Variants in BRAP observed in about 807,000 individuals in gnomAD.
The protein encoded by BRAP is BRCA1 associated protein.
In BRAP, 42 loss-of-function variants were observed where a neutral mutation model predicts 73.4. That is an observed-to-expected ratio of 0.57 (90% CI 0.45 to 0.74). The LOEUF is 0.74. BRAP is among the 30% of genes least tolerant of loss of function. The pLI is 0.00. For synonymous variants in BRAP, 255 were observed against 267.4 expected (o/e 0.95, Z 0.45); for missense variants, 593 against 751.4 (o/e 0.79, Z 2.46).
chr12:111,679,436 T>C, intron 3 of BRAP, 96 bp from the exon 4 acceptor site: 1 of 868,638 alleles, frequency 1.2e-6, no homozygotes, highest in Non-Finnish European at 1.6e-6. Context: ...CAGGAAAAAA[T>C]AAAAATTGTA....
At chr12:111,683,062 T>C in intron 2 of BRAP, 84 bp downstream of exon 2, 1 of 1,444,086 alleles carries the variant, frequency 6.9e-7, no homozygotes, top group Non-Finnish European at 9.4e-7. Context: ...GATGTTGAAA[T>C]TGTAGGCTCA....
chr12:111,670,277 G>C, intron 5 of BRAP: 1 of 584,024 alleles, frequency 1.7e-6, no homozygotes, highest in Non-Finnish European at 3.4e-6. Context: ...GGAAGAAACA[G>C]TTTTAGTTTT....
In BRAP at chr12:111,665,179, G is replaced by C. The variant is rs1566119598; in HGVS notation, c.896+460C>G. ...GTATGTTGGGAATCAGGAGGCTGTA[G>C]AGTAGATCTCATACTTAGTAACTGC... On this transcript the variant is annotated intron_variant, in intron 6 of 11. Coordinates refer to ENST00000419234, the MANE Select transcript of BRAP (RefSeq NM_006768.5). The surrounding 1 kb of genome is among the most constrained non-coding windows in gnomAD (Gnocchi z 4.3). 6.6e-6 allele frequency among the ~76,000 whole-genome samples: 1 copy of C among 152,154 alleles called. No homozygotes were observed. Among genetic ancestry groups the C allele is most frequent in the South Asian group, 2.1e-4 (1 of 4,826 alleles).
intron 11 of BRAP, among the ~76,000 whole-genome samples, chr12:111,647,746 T>C (rs1020356649): frequency 6.6e-6 from 1 of 151,876 alleles, no homozygotes; most frequent in Non-Finnish European, 1.5e-5. Context: ...AAATACAAAA[T>C]TAGCCACGCA....
At chr12:111,648,598 G>A (rs1754619039) in intron 11 of BRAP, among the ~76,000 whole-genome samples, 1 of 143,034 alleles carries the variant, frequency 7.0e-6, no homozygotes, top group Non-Finnish European at 1.5e-5. Context: ...TTGCGCCACT[G>A]CACTCCAGCC....
intron 6 of BRAP, among the ~76,000 whole-genome samples, chr12:111,663,456 AAAT>A (rs974004568): frequency 1.3e-5 from 2 of 152,106 alleles, no homozygotes; most frequent in Non-Finnish European, 2.9e-5. Flanking sequence ...CCATCTCAAA[AAAT>A]AATAATAATA....
At chr12:111,672,611 T>G in intron 5 of BRAP, 50 bp downstream of exon 5, 1 of 1,517,126 alleles carries the variant, frequency 6.6e-7, no homozygotes, top group African/African-American at 1.4e-5. Context: ...CATTCAATTT[T>G]ACACCAATCT....
chr12:111,680,691 C>CAA (rs111511913), intron 3 of BRAP, among the ~76,000 whole-genome samples: 1 of 145,672 alleles, frequency 6.9e-6, no homozygotes, highest in African/African-American at 2.6e-5. Flanking sequence ...GACCCTGTCT[C>CAA]AAAAAAAAAC....
rs1886633519 is a variant in BRAP at position 111,658,853 on chromosome 12, A to G, written c.1112-8T>C. ...GTCGATGAACATAGTTATCTACAGA[A>G]AGAGTCAACAAAAGTGTGTTTCTTT... On this transcript the variant is annotated splice_polypyrimidine_tract_variant and splice_region_variant and intron_variant, in intron 8 of 11. Coordinates refer to ENST00000419234, the MANE Select transcript of BRAP (RefSeq NM_006768.5). 1 of 1,584,340 alleles carries G rather than the reference A, an allele frequency of 6.3e-7. No homozygotes were observed. Among genetic ancestry groups the G allele is most frequent in the African/African-American group, 1.4e-5 (1 of 73,648 alleles).
chr12:111,683,440 A>C, intron 1 of BRAP, 133 bp from the exon 2 acceptor site: 1 of 1,015,852 alleles, frequency 9.8e-7, no homozygotes. Context: ...TGTAGTATCC[A>C]TCTCACTCAA....
intron 11 of BRAP, among the ~76,000 whole-genome samples, chr12:111,648,410 G>A (rs546994707): frequency 1.4e-5 from 2 of 140,082 alleles, no homozygotes; most frequent in East Asian, 4.2e-4. Context: ...TCAAGAGATC[G>A]AGACCATCCT....
intron 11 of BRAP, among the ~76,000 whole-genome samples, chr12:111,648,408 T>C (rs959290326): frequency 5.2e-5 from 7 of 135,482 alleles, no homozygotes; most frequent in African/African-American, 2.0e-4. Context: ...GGTCAAGAGA[T>C]CGAGACCATC....
intron 11 of BRAP, among the ~76,000 whole-genome samples, chr12:111,648,268 A>C (rs1458028654): frequency 1.4e-5 from 2 of 148,054 alleles, no homozygotes; most frequent in African/African-American, 5.0e-5. Context: ...ACTGTACTCC[A>C]GCCTATTGCG....
At chr12:111,676,301 TG>T (rs1360274511) in intron 4 of BRAP, among the ~76,000 whole-genome samples, 1 of 152,220 alleles carries the variant, frequency 6.6e-6, no homozygotes, top group Non-Finnish European at 1.5e-5. Flanking sequence ...CATAGTTAGG[TG>T]CCCAGGCTAT....
At chr12:111,680,056 C>A (rs1887541524) in intron 3 of BRAP, among the ~76,000 whole-genome samples, 1 of 150,876 alleles carries the variant, frequency 6.6e-6, no homozygotes, top group South Asian at 2.1e-4. Flanking sequence ...CTCCTGGGTT[C>A]AAGCAATTCT....
intron 4 of BRAP, among the ~76,000 whole-genome samples, chr12:111,676,565 C>A (rs544620774): frequency 6.6e-6 from 1 of 152,290 alleles, no homozygotes; most frequent in African/African-American, 2.4e-5. Flanking sequence ...AGGCGTGCGC[C>A]ACCACATCCA....
intron 5 of BRAP, among the ~76,000 whole-genome samples, chr12:111,669,048 GA>G (rs1162964954): frequency 3.9e-5 from 6 of 152,012 alleles, no homozygotes. Context: ...TGCCTATAAG[GA>G]AAAAAGCTGC....
chr12:111,642,868 T>C lies in BRAP; in HGVS notation c.*1331A>G, dbSNP rs1409865497. On this transcript the variant is annotated 3_prime_UTR_variant, in exon 12 of 12. Transcript: ENST00000419234. The stretch of plus-strand genomic sequence containing the variant: ...AGATGGTGATTAGTGATACAGTTGA[T>C]GTGCTAACAAGTAACATGTAAGACA... 6.6e-6 allele frequency: 1 copy of C among 152,236 alleles called. No homozygotes were observed. Among genetic ancestry groups the C allele is most frequent in the Non-Finnish European group, 1.5e-5 (1 of 68,048 alleles). 9.4% of individuals were successfully genotyped at this position (152,236 alleles called of 1,614,324 possible).
At chr12:111,667,043 G>C (rs1436554641) in intron 5 of BRAP, among the ~76,000 whole-genome samples, 2 of 152,118 alleles carry the variant, frequency 1.3e-5, no homozygotes, top group South Asian at 2.1e-4. Context: ...AGAATATCTA[G>C]GAGAGGTATG....
Sources: allele counts gnomAD v4.1 joint callset (sites outside exome capture counted in the v4.1 genomes callset), GRCh38; gene constraint gnomAD v4.1.1; non-coding constraint Gnocchi (gnomAD v3.1); transcripts MANE v1.5; gene names NCBI Gene and HGNC (gene_info 2026-07-23, HGNC 2026-07-21).